The following TOM1L2 variants were observed in gnomAD, a reference collection of about 807,000 sequenced individuals.
TOM1L2 encodes TOM1-like protein 2.
Under a neutral mutation model 67.9 loss-of-function variants are expected in TOM1L2, and 31 were observed. The observed-to-expected ratio is 0.46, with a 90% CI of 0.34 to 0.62. TOM1L2 has a LOEUF of 0.62. Ranked by LOEUF, TOM1L2 falls within the 20% of genes least tolerant of loss-of-function variation. The pLI is 0.01. For synonymous variants in TOM1L2, 256 were observed against 254.0 expected, an observed-to-expected ratio of 1.01 and a Z score of -0.07; for missense variants, 606 against 663.5, an observed-to-expected ratio of 0.91 and a Z score of 0.95.
intron 3 of TOM1L2, among the ~76,000 whole-genome samples, chr17:17,896,730 CA>C (rs2038593717): frequency 6.6e-6 from 1 of 152,194 alleles, no homozygotes; most frequent in Non-Finnish European, 1.5e-5. Context: ...GGCCTCTAAG[CA>C]ATCAGAAGTG....
intron 3 of TOM1L2, 75 bp downstream of exon 3, chr17:17,898,521 G>T: frequency 1.4e-6 from 2 of 1,477,652 alleles, no homozygotes; most frequent in East Asian, 4.5e-5. Flanking sequence ...CAGAGGGAAG[G>T]CCCTGTGAGG....
At chr17:17,930,917 G>T (rs2040304316) in intron 1 of TOM1L2, among the ~76,000 whole-genome samples, 1 of 152,010 alleles carries the variant, frequency 6.6e-6, no homozygotes, top group South Asian at 2.1e-4. Context: ...TCTAGGATGG[G>T]GATTTTTTTT....
chr17:17,896,998 A>G (rs1355524173), intron 3 of TOM1L2, among the ~76,000 whole-genome samples: 2 of 152,116 alleles, frequency 1.3e-5, no homozygotes, highest in Non-Finnish European at 2.9e-5. Context: ...TCCCAAAGGC[A>G]TGGCTGGGTT....
chr17:17,855,861 A>G (rs1440040707), intron 12 of TOM1L2, among the ~76,000 whole-genome samples: 3 of 152,224 alleles, frequency 2.0e-5, no homozygotes, highest in African/African-American at 4.8e-5. Context: ...TCAATAGTAC[A>G]AAAAGTTTCC....
intron 1 of TOM1L2, among the ~76,000 whole-genome samples, chr17:17,935,271 T>C (rs1171829837): frequency 6.6e-6 from 1 of 152,214 alleles, no homozygotes; most frequent in Non-Finnish European, 1.5e-5. Flanking sequence ...GGTAACTTCA[T>C]ACTGAAGGCT....
intron 5 of TOM1L2, 107 bp from the exon 6 acceptor site, chr17:17,882,970 G>A (rs2037810151): frequency 1.5e-6 from 2 of 1,371,900 alleles, no homozygotes; most frequent in Admixed American, 3.7e-5. Flanking sequence ...CCCACGAAAG[G>A]CTCAAGGCCC....
In TOM1L2 at chr17:17,907,514, A is replaced by G. The variant is rs145420007; in HGVS notation, c.70T>C (p.Ser24Pro). 6.2e-7 allele frequency: 1 copy of G among 1,613,812 alleles called. No homozygotes were observed. The highest frequency in any genetic ancestry group is 1.3e-5 in the African/African-American group (1 of 74,868). ...AACGTCCAATCCTCACTTTGCAGGGAGCCATCTGTTGCCTTTTCTGTGAAA... is the reference window on the plus strand; with the variant it reads ...AACGTCCAATCCTCACTTTGCAGGGGGCCATCTGTTGCCTTTTCTGTGAAA... ...GQCLEKATDG[S>P]LQSEDWTLNM... The change falls in exon 2 of 15, where the codon TCC becomes CCC. Residue 24 changes from serine (S) to proline (P), a missense_variant. This residue lies in a region of TOM1L2 where 63 missense variants were observed against 109.5 expected (regional missense o/e 0.58). Transcript: ENST00000379504.
chr17:17,850,738 G>A (rs375201706), intron 13 of TOM1L2, among the ~76,000 whole-genome samples, 155 bp downstream of exon 13: 32 of 152,256 alleles, frequency 2.1e-4, no homozygotes, highest in East Asian at 5.8e-4. Flanking sequence ...GGCTGATGTC[G>A]GGGAGGAGGG....
chr17:17,879,372 G>A (rs2037594952), intron 7 of TOM1L2, among the ~76,000 whole-genome samples: 1 of 151,980 alleles, frequency 6.6e-6, no homozygotes, highest in Admixed American at 6.6e-5. Context: ...TTCTTTCTGT[G>A]AGCATGTATT....
At chr17:17,854,195 CTA>C (rs2036143498) in intron 12 of TOM1L2, among the ~76,000 whole-genome samples, 1 of 152,222 alleles carries the variant, frequency 6.6e-6, no homozygotes, top group African/African-American at 2.4e-5. Flanking sequence ...AAAGTTCCTT[CTA>C]ATAATGTAGG....
chr17:17,965,317 C>A (rs2041837052), intron 1 of TOM1L2, among the ~76,000 whole-genome samples: 2 of 152,148 alleles, frequency 1.3e-5, no homozygotes, highest in African/African-American at 4.8e-5. Context: ...GCCTTATCCT[C>A]CCTTCCCAGT....
intron 2 of TOM1L2, among the ~76,000 whole-genome samples, chr17:17,905,782 C>G (rs2039065324): frequency 6.6e-6 from 1 of 152,134 alleles, no homozygotes; most frequent in Non-Finnish European, 1.5e-5. Context: ...TGATCTCTTT[C>G]CAATAAGAGT....
rs543362259 is a variant in TOM1L2, at chr17:17,916,129, A to G, written c.53-8598T>C. Among the ~76,000 whole-genome samples the G allele has an allele frequency of 2.0e-5, 3 of 146,496 alleles. No individual in the cohort carries two copies. The Admixed American group carries it at 2.1e-4, about 10-fold the overall frequency. ...TGCGCTGTCACCCAGGCTGGAGTGC[A>G]GTGGCGCGATCTCAGCTCACTGCAA... On this transcript the variant is annotated intron_variant, in intron 1 of 14. Transcript: ENST00000379504.
At chr17:17,851,332 T>G in intron 12 of TOM1L2, 1 of 332,560 alleles carries the variant, frequency 3.0e-6, no homozygotes, top group Non-Finnish European at 5.9e-6. Flanking sequence ...AGGCTGATTT[T>G]GAACTCAGCC....
chr17:17,910,321 G>C (rs2039289628), intron 1 of TOM1L2, among the ~76,000 whole-genome samples: 1 of 152,216 alleles, frequency 6.6e-6, no homozygotes, highest in Non-Finnish European at 1.5e-5. Flanking sequence ...AGCTCTGTGA[G>C]GGCAGGGACT....
chr17:17,850,175 C>T (rs2035879416), intron 13 of TOM1L2, among the ~76,000 whole-genome samples: 1 of 152,190 alleles, frequency 6.6e-6, no homozygotes, highest in African/African-American at 2.4e-5. Context: ...TCTGGGCAAG[C>T]CACTTCCCAG....
At chr17:17,933,085 G>C (rs1041710138) in intron 1 of TOM1L2, among the ~76,000 whole-genome samples, 2 of 152,180 alleles carry the variant, frequency 1.3e-5, no homozygotes, top group Non-Finnish European at 2.9e-5. Context: ...GAAGCAGGCA[G>C]TATAGAGCTG....
intron 1 of TOM1L2, among the ~76,000 whole-genome samples, chr17:17,924,842 C>T (rs556874525): frequency 6.6e-6 from 1 of 152,250 alleles, no homozygotes; most frequent in South Asian, 2.1e-4. Flanking sequence ...ATTGATTCCA[C>T]TGAATATTAT....
chr17:17,862,882 A>G, intron 10 of TOM1L2, 34 bp from the exon 11 acceptor site: 1 of 1,582,974 alleles, frequency 6.3e-7, no homozygotes. Context: ...GGCAGATGAG[A>G]ACAAAATGTA....
Sources: gnomAD v4.1 joint callset for allele counts (sites outside exome capture counted in the v4.1 genomes callset) on GRCh38, gnomAD v4.1.1 for gene constraint, gnomAD v4.1.1 regional missense constraint, MANE v1.5 for transcripts, NCBI Gene and HGNC (gene_info 2026-07-23, HGNC 2026-07-21) for gene names.